ANKFN1: variants seen among roughly 807,000 people sequenced by gnomAD.
ANKFN1 encodes the protein ankyrin repeat and fibronectin type III domain containing 1, also known as ankyrin repeat and fibronectin type-III domain-containing protein 1.
A neutral mutation model predicts 108.7 loss-of-function variants in ANKFN1; 74 were observed. That is an observed-to-expected ratio of 0.68 (90% CI 0.56 to 0.83). The LOEUF (loss-of-function observed/expected upper bound fraction) is 0.83. ANKFN1 is among the 40% of genes least tolerant of loss of function. The probability of loss-of-function intolerance (pLI) is 0.00; values close to 1 mark genes in which losing one functional copy is unlikely to be tolerated. For synonymous variants in ANKFN1, 547 were observed against 516.2 expected (o/e 1.06, Z -0.81); for missense variants, 1,505 against 1,382.3 (o/e 1.09, Z -1.41).
chr17:56,356,356 A>AACTGTT (rs1395733928), intron 6 of ANKFN1, among the ~76,000 whole-genome samples: 1 of 152,174 alleles, frequency 6.6e-6, no homozygotes. Context: ...AAACTCATCA[A>AACTGTT]ACTGTTAGTT....
intron 8 of ANKFN1, among the ~76,000 whole-genome samples, chr17:56,418,044 A>G (rs1300633936): frequency 6.6e-6 from 1 of 152,228 alleles, no homozygotes; most frequent in African/African-American, 2.4e-5. Context: ...GTCTTCTACT[A>G]TCCAATAGAA....
At chr17:56,446,698 G>A (rs1260161969) in intron 10 of ANKFN1, among the ~76,000 whole-genome samples, 1 of 151,880 alleles carries the variant, frequency 6.6e-6, no homozygotes, top group Non-Finnish European at 1.5e-5. Context: ...TGAGGTAAGA[G>A]TTCAAGACCA....
At chr17:56,065,056 C>T (rs1048274705) in intron 4 of ANKFN1, among the ~76,000 whole-genome samples, 3 of 152,198 alleles carry the variant, frequency 2.0e-5, no homozygotes, top group African/African-American at 7.2e-5. Flanking sequence ...CTAGTCAGTT[C>T]TGAGGAGAGA....
chr17:56,344,971 C>T (rs1050796335), intron 4 of ANKFN1, among the ~76,000 whole-genome samples: 1 of 151,986 alleles, frequency 6.6e-6, no homozygotes, highest in African/African-American at 2.4e-5. Flanking sequence ...TGGTTTGCTG[C>T]ACCTATCAAC....
chr17:56,278,305 C>G lies in ANKFN1; in HGVS notation c.54-47916C>G, dbSNP rs181852108. On this transcript the variant is annotated intron_variant, in intron 3 of 20. Transcript: ENST00000682825. The stretch of plus-strand genomic sequence containing the variant: ...GATTCCTTCTCTGCTGCCACACACC[C>G]TCCCTCAGTCACTCCCCTCCTCAGC... 1.6e-4 allele frequency among the ~76,000 whole-genome samples: 24 copies of G among 152,304 alleles called. No individual in the cohort carries two copies. The East Asian group carries it at 4.6e-3, about 29-fold the overall frequency.
In ANKFN1 at chr17:56,124,240, A is replaced by T. The variant is rs1386766621; in HGVS notation, c.288+77915A>T. On this transcript the variant is annotated intron_variant, in intron 4 of 12. Coordinates refer to the ANKFN1 transcript ENST00000635860. ...AAATTCTACATAATTTTCTCTTTTTATCCTAATATAATGTGTGTGAATTTC... is the reference window on the plus strand; with the variant it reads ...AAATTCTACATAATTTTCTCTTTTTTTCCTAATATAATGTGTGTGAATTTC... 5.3e-5 allele frequency among the ~76,000 whole-genome samples: 8 copies of T among 152,244 alleles called. No homozygotes were observed. In the South Asian group the frequency reaches 1.0e-3, roughly 20 times the overall value.
At chr17:56,473,093 G>A (rs1183030064) in intron 15 of ANKFN1, 1 of 152,102 alleles carries the variant, frequency 6.6e-6, no homozygotes, top group Non-Finnish European at 1.5e-5. Context: ...GTTCCATGAA[G>A]GGAAGGATCA....
Position 56,320,234 on chromosome 17 carries a change from C to T in ANKFN1, c.54-5987C>T, listed in dbSNP as rs892528340. On this transcript the variant is annotated intron_variant, in intron 3 of 20. Coordinates refer to ENST00000682825, the MANE Select transcript of ANKFN1 (RefSeq NM_001370326.1). ...TGCAATGATTGGTAATATGACAAACCACATCATGTATCAGACTCTGGTGAA... is the reference window on the plus strand; with the variant it reads ...TGCAATGATTGGTAATATGACAAACTACATCATGTATCAGACTCTGGTGAA... Among the ~76,000 whole-genome samples, 4 of 152,112 alleles carry T rather than the reference C, an allele frequency of 2.6e-5. No homozygotes were observed. The East Asian group carries it at 5.8e-4, about 22-fold the overall frequency.
At chr17:56,058,456 G>C (rs1022715960) in intron 4 of ANKFN1, among the ~76,000 whole-genome samples, 1 of 152,180 alleles carries the variant, frequency 6.6e-6, no homozygotes, top group Non-Finnish European at 1.5e-5. Flanking sequence ...ACCTCTGCTA[G>C]CTTCCAGCTT....
chr17:56,048,492 T>A (rs2143065614), intron 4 of ANKFN1, among the ~76,000 whole-genome samples: 1 of 152,084 alleles, frequency 6.6e-6, no homozygotes, highest in East Asian at 1.9e-4. Flanking sequence ...TTTTTTTCTC[T>A]CCCTAAATTA....
intron 1 of ANKFN1, among the ~76,000 whole-genome samples, chr17:56,162,773 C>T (rs888213144): frequency 3.9e-5 from 6 of 152,190 alleles, no homozygotes; most frequent in Admixed American, 2.6e-4. Flanking sequence ...CAGTGACTCA[C>T]GCCTGTAATC....
chr17:56,465,918 C>A (rs970445461), intron 14 of ANKFN1, among the ~76,000 whole-genome samples: 1 of 152,172 alleles, frequency 6.6e-6, no homozygotes, highest in Non-Finnish European at 1.5e-5. Flanking sequence ...TCATTTTAAA[C>A]AACCCCACCT....
At chr17:56,319,939 A>G (rs892502624) in intron 3 of ANKFN1, among the ~76,000 whole-genome samples, 3 of 152,142 alleles carry the variant, frequency 2.0e-5, no homozygotes, top group Admixed American at 6.5e-5. Flanking sequence ...TATACATATT[A>G]TGTATTATTT....
intron 8 of ANKFN1, among the ~76,000 whole-genome samples, chr17:56,419,302 C>T (rs943803242): frequency 2.0e-5 from 3 of 151,822 alleles, no homozygotes; most frequent in African/African-American, 4.8e-5. Flanking sequence ...ACCAACATGG[C>T]GAAACCCCAT....
intron 1 of ANKFN1, among the ~76,000 whole-genome samples, chr17:56,167,319 A>G (rs1246672558): frequency 7.4e-5 from 1 of 13,498 alleles, no homozygotes; most frequent in African/African-American, 3.9e-4. Context: ...ACACACACAC[A>G]TATATATATA....
At chr17:56,364,174 TA>T (rs772673644) in intron 6 of ANKFN1, among the ~76,000 whole-genome samples, 33 of 152,224 alleles carry the variant, frequency 2.2e-4, no homozygotes, top group Admixed American at 3.9e-4. Flanking sequence ...TCACAAATCA[TA>T]ATATTACTTT....
chr17:56,483,603 G>A lies in ANKFN1; in HGVS notation c.2260+1079G>A, dbSNP rs185562773. Among the ~76,000 whole-genome samples the A allele has an allele frequency of 1.6e-4, 24 of 152,306 alleles. No homozygotes were observed. The South Asian group carries it at 3.3e-3, about 21-fold the overall frequency. ...CTTACAAGAAGCTCAAATCAGACTC[G>A]TAGACTGGGACTTGAGAGTCCTGGA... On this transcript the variant is annotated intron_variant, in intron 18 of 20. Coordinates refer to ENST00000682825, the MANE Select transcript of ANKFN1 (RefSeq NM_001370326.1).
chr17:56,416,800 C>T (rs2048253004), intron 8 of ANKFN1, among the ~76,000 whole-genome samples: 1 of 152,188 alleles, frequency 6.6e-6, no homozygotes, highest in African/African-American at 2.4e-5. Flanking sequence ...GATTTGGAAG[C>T]AATCTAAGTG....
intron 4 of ANKFN1, among the ~76,000 whole-genome samples, chr17:56,145,538 T>C (rs56015777): frequency 0.31 from 46,687 of 151,880 alleles, 8,857 homozygotes; most frequent in East Asian, 0.53. Flanking sequence ...GATAAAACCA[T>C]CAGATCTCAT....
Sources: allele counts gnomAD v4.1 joint callset (sites outside exome capture counted in the v4.1 genomes callset), GRCh38; gene constraint gnomAD v4.1.1; transcripts MANE v1.5; gene names NCBI Gene and HGNC (gene_info 2026-07-23, HGNC 2026-07-21).